UBR3: variants seen among roughly 807,000 people sequenced by gnomAD.
UBR3 encodes ubiquitin protein ligase E3 component n-recognin 3.
In UBR3, 85 loss-of-function variants were observed where a neutral mutation model predicts 243.2. That is an observed-to-expected ratio of 0.35 (90% CI 0.29 to 0.42). The LOEUF is 0.42. UBR3 is among the 10% of genes least tolerant of loss of function. UBR3 has a pLI of 1.00. For missense variants in UBR3, 1,686 were observed against 2,300.8 expected, an observed-to-expected ratio of 0.73 and a Z score of 5.47; for synonymous variants, 748 against 799.8, an observed-to-expected ratio of 0.94 and a Z score of 1.09.
chr2:169,856,855 G>A (rs1457313670), intron 1 of UBR3, among the ~76,000 whole-genome samples: 2 of 151,508 alleles, frequency 1.3e-5, no homozygotes, highest in Non-Finnish European at 2.9e-5. Flanking sequence ...GGGAGGGGGA[G>A]CTATCCATTA....
intron 2 of UBR3, among the ~76,000 whole-genome samples, chr2:169,875,545 G>A (rs1219154254): frequency 6.6e-6 from 1 of 152,080 alleles, no homozygotes; most frequent in Non-Finnish European, 1.5e-5. Context: ...TCATATCTTA[G>A]GAGGTCATCT....
chr2:170,010,979 A>C (rs2090065279), intron 29 of UBR3, among the ~76,000 whole-genome samples: 1 of 152,066 alleles, frequency 6.6e-6, no homozygotes, highest in Non-Finnish European at 1.5e-5. Context: ...CCTGGACAAC[A>C]TAGTAAAACC....
chr2:169,950,114 A>G (rs746022312), intron 23 of UBR3, 49 bp downstream of exon 23: 5 of 1,482,886 alleles, frequency 3.4e-6, no homozygotes, highest in Non-Finnish European at 4.5e-6. Context: ...TGAAAATTTG[A>G]TATTTTCTTC....
chr2:170,082,793 A>G lies in UBR3; in HGVS notation c.*950A>G, dbSNP rs1559246431. 1.3e-5 allele frequency: 2 copies of G among 152,230 alleles called. No individual in the cohort carries two copies. Among genetic ancestry groups the G allele is most frequent in the African/African-American group, 4.8e-5 (2 of 41,454 alleles). 9.4% of individuals were successfully genotyped at this position (152,230 alleles called of 1,614,324 possible). A position where few individuals can be genotyped will look rare whatever the true frequency, so the allele number is the denominator to read the frequency against. The stretch of plus-strand genomic sequence containing the variant: ...TCCTTTCAGCTCAAGAGGTTCAGCT[A>G]TATTGTATTTGTGCAGTGTAATCAC... On this transcript the variant is annotated 3_prime_UTR_variant, in exon 39 of 39. Coordinates refer to ENST00000272793, the MANE Select transcript of UBR3 (RefSeq NM_172070.4).
At chr2:170,040,718 G>A (rs536179880) in intron 31 of UBR3, among the ~76,000 whole-genome samples, 164 bp from the exon 32 acceptor site, 1 of 151,326 alleles carries the variant, frequency 6.6e-6, no homozygotes, top group Non-Finnish European at 1.5e-5. Context: ...AGTCTAAAAT[G>A]TAATTTTTTT....
chr2:169,898,763 G>A (rs1186887746), intron 8 of UBR3, among the ~76,000 whole-genome samples: 5 of 148,336 alleles, frequency 3.4e-5, no homozygotes, highest in Admixed American at 1.4e-4. Context: ...GTGCAGTGGC[G>A]CGATCTCAGC....
intron 5 of UBR3, among the ~76,000 whole-genome samples, chr2:169,883,259 T>C (rs2083962659): frequency 6.6e-6 from 1 of 152,166 alleles, no homozygotes; most frequent in South Asian, 2.1e-4. Flanking sequence ...TAGTTGATGC[T>C]GACCATCCGA....
chr2:170,046,463 C>A (rs1215396932), intron 32 of UBR3, among the ~76,000 whole-genome samples: 1 of 152,086 alleles, frequency 6.6e-6, no homozygotes, highest in African/African-American at 2.4e-5. Context: ...TACTTGTACC[C>A]CCAACAATAT....
intron 35 of UBR3, among the ~76,000 whole-genome samples, chr2:170,063,495 T>TA (rs1436478742): frequency 1.3e-5 from 2 of 152,138 alleles, no homozygotes; most frequent in Admixed American, 1.3e-4. Flanking sequence ...AGTACCCCCT[T>TA]ATCTGCGATT....
rs17635525 is a variant in UBR3 at position 170,082,054 on chromosome 2, T to C, written c.*211T>C. The C allele has an allele frequency of 0.053, 19,748 of 372,394 alleles. 583 individuals carry two copies. The highest frequency in any genetic ancestry group is 0.074 in the African/African-American group (3,536 of 48,000). The allele number at this position is 372,394 out of a possible 1,614,324, so 23.1% of individuals were successfully genotyped here. ...TATCTGGAGAACATTAATAACAAGTTAAATTATTCTTTAGTGGTCATTTTT... is the reference window on the plus strand; with the variant it reads ...TATCTGGAGAACATTAATAACAAGTCAAATTATTCTTTAGTGGTCATTTTT... On this transcript the variant is annotated 3_prime_UTR_variant, in exon 39 of 39. Transcript: ENST00000272793.
At chr2:170,019,950 A>G (rs2105414870) in intron 30 of UBR3, among the ~76,000 whole-genome samples, 1 of 152,024 alleles carries the variant, frequency 6.6e-6, no homozygotes. Context: ...TAATTTTTTA[A>G]TACATTTCTT....
chr2:169,964,931 C>T (rs959543506), intron 24 of UBR3: 4 of 456,978 alleles, frequency 8.8e-6, no homozygotes, highest in South Asian at 4.6e-5. Flanking sequence ...TCTACTTTCT[C>T]CCAGTCTCGG....
intron 35 of UBR3, among the ~76,000 whole-genome samples, chr2:170,061,898 G>A (rs1197327443): frequency 6.6e-6 from 1 of 152,022 alleles, no homozygotes; most frequent in African/African-American, 2.4e-5. Flanking sequence ...TACTATTTTT[G>A]TTGTATTTGT....
At chr2:169,898,947 T>C (rs1574152650) in intron 8 of UBR3, among the ~76,000 whole-genome samples, 3 of 151,994 alleles carry the variant, frequency 2.0e-5, no homozygotes, top group South Asian at 2.1e-4. Context: ...GTGATCCGCC[T>C]GCCTCGGCCT....
chr2:170,065,621 T>A (rs1236407624), intron 35 of UBR3, among the ~76,000 whole-genome samples: 3 of 152,268 alleles, frequency 2.0e-5, no homozygotes, highest in South Asian at 2.1e-4. Flanking sequence ...GCATTTTTTT[T>A]TATAAAGCTA....
chr2:169,870,388 C>T (rs538590424), intron 1 of UBR3, among the ~76,000 whole-genome samples: 2 of 152,170 alleles, frequency 1.3e-5, no homozygotes, highest in South Asian at 4.1e-4. Context: ...CTCAGCCTCC[C>T]AACATGCTGG....
At chr2:169,993,449 C>G (rs1307448635) in intron 25 of UBR3, among the ~76,000 whole-genome samples, 1 of 152,140 alleles carries the variant, frequency 6.6e-6, no homozygotes, top group African/African-American at 2.4e-5. Flanking sequence ...TGTTAGTCTC[C>G]TGTAATTTAG....
At chr2:169,932,042 T>C (rs1481987094) in intron 18 of UBR3, among the ~76,000 whole-genome samples, 1 of 151,648 alleles carries the variant, frequency 6.6e-6, no homozygotes, top group Non-Finnish European at 1.5e-5. Context: ...AAAAGACTTA[T>C]AAAGTGGGTC....
chr2:169,971,387 T>G (rs2088135507), intron 24 of UBR3, among the ~76,000 whole-genome samples: 1 of 150,936 alleles, frequency 6.6e-6, no homozygotes, highest in African/African-American at 2.4e-5. Flanking sequence ...GTTTTAGACA[T>G]GAAGTCCTTG....
Sources: gnomAD v4.1 joint callset for allele counts (sites outside exome capture counted in the v4.1 genomes callset) on GRCh38, gnomAD v4.1.1 for gene constraint, MANE v1.5 for transcripts, NCBI Gene and HGNC (gene_info 2026-07-23, HGNC 2026-07-21) for gene names.